Variants in PTPRG observed in about 807,000 individuals in gnomAD.
PTPRG encodes protein tyrosine phosphatase receptor type G, also known as receptor-type tyrosine-protein phosphatase gamma.
In PTPRG, 102 loss-of-function variants were observed where a neutral mutation model predicts 165.3. The ratio of observed to expected loss-of-function variants is 0.62; its 90% CI spans 0.53 to 0.73. The LOEUF (loss-of-function observed/expected upper bound fraction) is 0.73. Ranked by LOEUF, PTPRG falls within the 30% of genes least tolerant of loss-of-function variation. The probability of loss-of-function intolerance (pLI) is 0.00; values close to 1 mark genes in which losing one functional copy is unlikely to be tolerated. For synonymous variants in PTPRG, 675 were observed against 669.5 expected (o/e 1.01, Z -0.13); for missense variants, 1,866 against 1,861.4 (o/e 1.00, Z -0.05).
intron 2 of PTPRG, among the ~76,000 whole-genome samples, chr3:61,916,663 A>T (rs2038944482): frequency 6.6e-6 from 1 of 152,140 alleles, no homozygotes; most frequent in African/African-American, 2.4e-5. Flanking sequence ...TATGTTTTTA[A>T]TTGCTTGCAT....
chr3:61,937,564 A>C (rs2039510748), intron 2 of PTPRG, among the ~76,000 whole-genome samples: 1 of 152,224 alleles, frequency 6.6e-6, no homozygotes, highest in African/African-American at 2.4e-5. Flanking sequence ...AAATAATGTA[A>C]AACCAACTTT....
At chr3:61,766,698 C>A (rs2034027825) in intron 2 of PTPRG, among the ~76,000 whole-genome samples, 1 of 151,858 alleles carries the variant, frequency 6.6e-6, no homozygotes, top group South Asian at 2.1e-4. Flanking sequence ...GTCACTGCAA[C>A]CTCCATCTCC....
At chr3:61,658,478 A>G (rs1423842342) in intron 1 of PTPRG, among the ~76,000 whole-genome samples, 2 of 152,196 alleles carry the variant, frequency 1.3e-5, no homozygotes, top group Non-Finnish European at 2.9e-5. Context: ...GGAAAGTTAG[A>G]TAACAATTTG....
chr3:61,599,328 A>G (rs1023490000), intron 1 of PTPRG, among the ~76,000 whole-genome samples: 7 of 152,052 alleles, frequency 4.6e-5, no homozygotes, highest in South Asian at 2.1e-4. Context: ...TTGTATGTTT[A>G]GTAGAGACAG....
intron 2 of PTPRG, among the ~76,000 whole-genome samples, chr3:61,950,855 C>T (rs919399239): frequency 6.6e-6 from 1 of 152,166 alleles, no homozygotes; most frequent in African/African-American, 2.4e-5. Flanking sequence ...ATGGCATATA[C>T]GTAAATATTA....
At chr3:62,197,172 A>G (rs1699985892) in intron 10 of PTPRG, among the ~76,000 whole-genome samples, 1 of 150,416 alleles carries the variant, frequency 6.6e-6, no homozygotes, top group Non-Finnish European at 1.5e-5. Context: ...TTCCCAATCC[A>G]AAAAGTGGCA....
At chr3:61,773,779 CTT>C (rs113250439) in intron 2 of PTPRG, among the ~76,000 whole-genome samples, 3 of 144,798 alleles carry the variant, frequency 2.1e-5, no homozygotes, top group Non-Finnish European at 1.5e-5. Context: ...CCCCCATTGA[CTT>C]TTTTTTTTTT....
At position 62,210,940 on chromosome 3, in the gene PTPRG, T is replaced by C. The variant is rs1460366401; in HGVS notation, c.2155+6990T>C. On this transcript the variant is annotated intron_variant, in intron 12 of 29. Transcript: ENST00000474889. This position sits in a 1 kb window ranked among gnomAD's most constrained non-coding sequence, Gnocchi z 4.1. ...AAAGCTTTTGGAGACTCAAAAGTTA[T>C]ACATGAATTTCTGACTATTCAGGGA... 2.0e-5 allele frequency among the ~76,000 whole-genome samples: 3 copies of C among 152,224 alleles called. No homozygotes were observed. Among genetic ancestry groups the C allele is most frequent in the East Asian group, 3.8e-4 (2 of 5,198 alleles).
chr3:62,124,857 C>T (rs867832651), intron 5 of PTPRG, among the ~76,000 whole-genome samples: 6 of 152,154 alleles, frequency 3.9e-5, no homozygotes, highest in African/African-American at 1.2e-4. Flanking sequence ...TGCGCATGGC[C>T]AGAATCTTTC....
intron 8 of PTPRG, among the ~76,000 whole-genome samples, chr3:62,185,877 G>C (rs781121370): frequency 6.6e-6 from 1 of 152,146 alleles, no homozygotes; most frequent in Non-Finnish European, 1.5e-5. Context: ...TTACAGATGC[G>C]GACACAGGAT....
chr3:62,010,876 C>T (rs2041405574), intron 4 of PTPRG, among the ~76,000 whole-genome samples: 1 of 152,142 alleles, frequency 6.6e-6, no homozygotes, highest in Non-Finnish European at 1.5e-5. Context: ...ACAGGTGATG[C>T]ACGATTTTTG....
chr3:61,875,484 AC>A (rs1363706867), intron 2 of PTPRG, among the ~76,000 whole-genome samples: 1 of 152,204 alleles, frequency 6.6e-6, no homozygotes, highest in Non-Finnish European at 1.5e-5. Context: ...CAGAAGGGAA[AC>A]TGGGAAGTGT....
intron 14 of PTPRG, among the ~76,000 whole-genome samples, chr3:62,232,273 T>C (rs530625746): frequency 6.6e-6 from 1 of 152,346 alleles, no homozygotes; most frequent in Non-Finnish European, 1.5e-5. Context: ...AAGTATATGA[T>C]CTATTTTCTT....
intron 1 of PTPRG, among the ~76,000 whole-genome samples, chr3:61,683,542 G>A (rs568977728): frequency 7.9e-4 from 120 of 152,288 alleles, no homozygotes; most frequent in African/African-American, 2.8e-3. Context: ...TTACTTGGCC[G>A]TCTCAGGAAC....
chr3:61,697,732 C>G (rs1488759730), intron 1 of PTPRG, among the ~76,000 whole-genome samples: 1 of 152,100 alleles, frequency 6.6e-6, no homozygotes, highest in African/African-American at 2.4e-5. Context: ...TCATTTATTG[C>G]TCCTTCAAAA....
At chr3:62,277,167 AGT>A in intron 25 of PTPRG, 119 bp downstream of exon 25, 1 of 777,114 alleles carries the variant, frequency 1.3e-6, no homozygotes, top group Non-Finnish European at 2.1e-6. Context: ...TAATATGAAA[AGT>A]ATAGAGATTT....
At chr3:62,201,436 C>A in intron 10 of PTPRG, 69 bp from the exon 11 acceptor site, 1 of 1,202,402 alleles carries the variant, frequency 8.3e-7, no homozygotes, top group South Asian at 1.5e-5. Context: ...GATTTGTGTT[C>A]ATAAGGAATA....
chr3:61,925,231 C>T (rs779750356), intron 2 of PTPRG, among the ~76,000 whole-genome samples: 9 of 152,316 alleles, frequency 5.9e-5, no homozygotes, highest in East Asian at 3.9e-4. Flanking sequence ...GCCCATTGGC[C>T]GCATTCTGCT....
chr3:62,255,151 A>G lies in PTPRG; in HGVS notation c.2495A>G (p.Gln832Arg), dbSNP rs201604042. ...PDDMEAIPVK[Q>R]FVKHIGELYS... ...GACATGGAAGCCATTCCTGTCAAACAGTTTGTCAAACACATCGGTGAGCTC... is the reference window on the plus strand; with the variant it reads ...GACATGGAAGCCATTCCTGTCAAACGGTTTGTCAAACACATCGGTGAGCTC... The change falls in exon 16 of 30, where the codon CAG becomes CGG. Residue 832 changes from glutamine (Q) to arginine (R), a missense_variant. By Grantham distance (43) the Gln-to-Arg change is conservative. This residue lies in a region of PTPRG where 1,452 missense variants were observed against 1,463.0 expected (regional missense o/e 0.99). Transcript: ENST00000474889. The surrounding 1 kb of genome is among the most constrained non-coding windows in gnomAD (Gnocchi z 4.0). 2 of 1,613,190 alleles carry G rather than the reference A, an allele frequency of 1.2e-6. No individual in the cohort carries two copies. The highest frequency in any genetic ancestry group is 2.7e-5 in the African/African-American group (2 of 74,986).
Sources: allele counts gnomAD v4.1 joint callset (sites outside exome capture counted in the v4.1 genomes callset), GRCh38; gene constraint gnomAD v4.1.1; regional missense constraint gnomAD v4.1.1; non-coding constraint Gnocchi (gnomAD v3.1); transcripts MANE v1.5; gene names NCBI Gene and HGNC (gene_info 2026-07-23, HGNC 2026-07-21).